Variants in KCND3 observed in about 807,000 individuals in gnomAD.
KCND3 encodes the protein potassium voltage-gated channel subfamily D member 3, also known as A-type voltage-gated potassium channel KCND3.
A neutral mutation model predicts 51.1 loss-of-function variants in KCND3; 9 were observed. The ratio of observed to expected loss-of-function variants is 0.18; its 90% CI spans 0.11 to 0.31. The LOEUF is 0.31. Among genes scored for constraint, KCND3 ranks in the 10% least tolerant of loss-of-function variants. The pLI is 1.00. For missense variants in KCND3, 526 were observed against 903.8 expected (o/e 0.58, Z 5.36); for synonymous variants, 349 against 368.0 (o/e 0.95, Z 0.59).
At chr1:111,787,152 G>A (rs1427551913) in intron 2 of KCND3, 46 bp from the exon 3 acceptor site, 1 of 1,591,082 alleles carries the variant, frequency 6.3e-7, no homozygotes, top group South Asian at 1.1e-5. Context: ...AGGGCCATTT[G>A]GGAAACAAGG....
At chr1:111,822,078 T>C (rs1666375708) in intron 2 of KCND3, among the ~76,000 whole-genome samples, 2 of 103,190 alleles carry the variant, frequency 1.9e-5, no homozygotes, top group African/African-American at 5.2e-5. Flanking sequence ...GCTCAAGCAG[T>C]CTTTCTTTTT....
intron 2 of KCND3, among the ~76,000 whole-genome samples, chr1:111,972,423 C>G (rs566673254): frequency 6.6e-6 from 1 of 152,118 alleles, no homozygotes. Flanking sequence ...CCGCCCGCCT[C>G]GGCCTCCCAA....
chr1:111,787,906 C>G (rs1206639086), intron 2 of KCND3, among the ~76,000 whole-genome samples: 1 of 152,212 alleles, frequency 6.6e-6, no homozygotes, highest in Non-Finnish European at 1.5e-5. Context: ...CTCTCATTTG[C>G]TCAGCTGGGA....
intron 2 of KCND3, among the ~76,000 whole-genome samples, chr1:111,950,136 C>T (rs1446018540): frequency 2.0e-5 from 3 of 152,222 alleles, no homozygotes; most frequent in Non-Finnish European, 4.4e-5. Context: ...GTCTCAAACT[C>T]CTCACCTCAG....
chr1:111,930,483 T>A (rs1216030219), intron 2 of KCND3, among the ~76,000 whole-genome samples: 1 of 152,206 alleles, frequency 6.6e-6, no homozygotes, highest in Non-Finnish European at 1.5e-5. Context: ...TGAATCAGTG[T>A]CTGAGCAGTA....
chr1:111,788,584 G>C (rs1664704470), intron 2 of KCND3, among the ~76,000 whole-genome samples: 1 of 152,186 alleles, frequency 6.6e-6, no homozygotes, highest in Non-Finnish European at 1.5e-5. Context: ...TTCTCCTTCA[G>C]TGTTCATGCC....
At chr1:111,828,514 A>AG (rs5777084) in intron 2 of KCND3, among the ~76,000 whole-genome samples, 84,186 of 151,914 alleles carry the variant, frequency 0.55, 25,257 homozygotes, top group Non-Finnish European at 0.67. Context: ...AGGTGTTATC[A>AG]CTGCTACCTG....
chr1:111,847,155 AC>A, intron 2 of KCND3, among the ~76,000 whole-genome samples: 1 of 152,306 alleles, frequency 6.6e-6, no homozygotes, highest in East Asian at 1.9e-4. Flanking sequence ...GGCCAGAGAA[AC>A]CGAGAGGCGG....
chr1:111,814,034 G>A (rs1557953471), intron 2 of KCND3, among the ~76,000 whole-genome samples: 1 of 152,218 alleles, frequency 6.6e-6, no homozygotes, highest in Non-Finnish European at 1.5e-5. Flanking sequence ...ATCAAATGAA[G>A]AGGAGTTATG....
chr1:111,952,477 C>T (rs55860686), intron 2 of KCND3, among the ~76,000 whole-genome samples: 6,877 of 152,250 alleles, frequency 0.045, 228 homozygotes, highest in Non-Finnish European at 0.068. Context: ...TTTGTCCCAG[C>T]TCATGTGTCA....
chr1:111,852,637 C>T (rs999964765), intron 2 of KCND3, among the ~76,000 whole-genome samples: 9 of 152,136 alleles, frequency 5.9e-5, no homozygotes, highest in Admixed American at 4.6e-4. Context: ...CATATGGCAG[C>T]GCACCTCCAG....
At chr1:111,789,330 G>C (rs757392840) in intron 2 of KCND3, among the ~76,000 whole-genome samples, 1 of 152,212 alleles carries the variant, frequency 6.6e-6, no homozygotes, top group African/African-American at 2.4e-5. Context: ...CTTCTCCACC[G>C]GGAATAAGGA....
intron 2 of KCND3, among the ~76,000 whole-genome samples, chr1:111,934,049 C>T (rs1159331709): frequency 6.6e-6 from 1 of 152,192 alleles, no homozygotes; most frequent in Non-Finnish European, 1.5e-5. Flanking sequence ...CTCTCCCTCC[C>T]AAAGGCCCTG....
intron 2 of KCND3, among the ~76,000 whole-genome samples, chr1:111,975,761 C>G (rs1219735647): frequency 6.6e-6 from 1 of 152,204 alleles, no homozygotes; most frequent in Non-Finnish European, 1.5e-5. Flanking sequence ...GTCTCCTGCT[C>G]TTGCAGCTTG....
At chr1:111,983,669 T>C (rs1047947718) in intron 1 of KCND3, among the ~76,000 whole-genome samples, 4 of 151,982 alleles carry the variant, frequency 2.6e-5, no homozygotes, top group African/African-American at 9.7e-5. Context: ...ATTCCTCTCC[T>C]CCCATCTCCA....
chr1:111,980,678 C>T (rs762938857), intron 2 of KCND3, among the ~76,000 whole-genome samples: 3 of 152,168 alleles, frequency 2.0e-5, no homozygotes, highest in Non-Finnish European at 2.9e-5. Flanking sequence ...GCAGAAACCC[C>T]TAAGAAATCT....
rs143165012 is a variant in KCND3, at chr1:111,824,765, C to T, written c.1107-37659G>A. On this transcript the variant is annotated intron_variant, in intron 2 of 7. Transcript: ENST00000302127. ...GAGATGCCAGACCCCTCATCCATGG[C>T]GATTCCTGTTTTCCAACCCCTCTTC... 2.1e-3 allele frequency among the ~76,000 whole-genome samples: 314 copies of T among 152,296 alleles called. 3 individuals carry two copies. Among genetic ancestry groups the T allele is most frequent in the African/African-American group, 6.9e-3 (287 of 41,560 alleles).
chr1:111,949,494 C>T (rs888909163), intron 2 of KCND3, among the ~76,000 whole-genome samples: 16 of 152,080 alleles, frequency 1.1e-4, no homozygotes, highest in Non-Finnish European at 2.2e-4. Flanking sequence ...GAAAAGTAAA[C>T]GGTCAGATTT....
At chr1:111,802,469 T>C (rs959532368) in intron 2 of KCND3, among the ~76,000 whole-genome samples, 3 of 152,224 alleles carry the variant, frequency 2.0e-5, no homozygotes, top group Admixed American at 2.0e-4. Flanking sequence ...TGCATCTTCC[T>C]CTCTCTAGTT....
Sources: gnomAD v4.1 joint callset for allele counts (sites outside exome capture counted in the v4.1 genomes callset) on GRCh38, gnomAD v4.1.1 for gene constraint, MANE v1.5 for transcripts, NCBI Gene and HGNC (gene_info 2026-07-23, HGNC 2026-07-21) for gene names.